IFIH1: variants seen among roughly 807,000 people sequenced by gnomAD.
The protein encoded by IFIH1 is interferon-induced helicase C domain-containing protein 1.
A neutral mutation model predicts 107.4 loss-of-function variants in IFIH1; 125 were observed. The observed-to-expected ratio is 1.16, with a 90% CI of 1.01 to 1.35. The LOEUF is 1.35. Ranked by LOEUF, IFIH1 falls within the 40% of genes most tolerant of loss-of-function variation. The pLI is 0.00. For synonymous variants in IFIH1, 458 were observed against 413.2 expected (o/e 1.11, Z -1.31); for missense variants, 1,333 against 1,213.7 (o/e 1.10, Z -1.46).
Position 162,318,335 on chromosome 2 carries a change from T to A in IFIH1, c.-28A>T. ...TTCTTTCTCAGAGAAGGGAGAGGGT[T>A]CTCCCAAGCAGATGGTGCTGTTGTC... On this transcript the variant is annotated 5_prime_UTR_variant, in exon 1 of 16. Coordinates refer to ENST00000649979, the MANE Select transcript of IFIH1 (RefSeq NM_022168.4). 6.3e-7 allele frequency: 1 copy of A among 1,582,046 alleles called. No individual in the cohort carries two copies. Among genetic ancestry groups the A allele is most frequent in the Non-Finnish European group, 8.7e-7 (1 of 1,155,904 alleles).
At chr2:162,299,440 T>C (rs544259985) in intron 3 of IFIH1, among the ~76,000 whole-genome samples, 1 of 152,254 alleles carries the variant, frequency 6.6e-6, no homozygotes, top group East Asian at 1.9e-4. Context: ...CAGGTAAATG[T>C]TCAACAACTG....
chr2:162,278,139 T>A, intron 9 of IFIH1, 66 bp downstream of exon 9: 1 of 1,385,370 alleles, frequency 7.2e-7, no homozygotes, highest in Non-Finnish European at 1.0e-6. Context: ...GAATCTGTGA[T>A]ATAGTCATCT....
intron 11 of IFIH1, among the ~76,000 whole-genome samples, chr2:162,275,010 G>A (rs1257062660): frequency 2.0e-5 from 3 of 152,072 alleles, no homozygotes; most frequent in African/African-American, 7.2e-5. Context: ...CACATCTCCC[G>A]ATAAAAACTT....
At chr2:162,293,917 G>C (rs1236702271) in intron 3 of IFIH1, among the ~76,000 whole-genome samples, 1 of 151,874 alleles carries the variant, frequency 6.6e-6, no homozygotes, top group East Asian at 1.9e-4. Flanking sequence ...TCCAGTATGA[G>C]AGCTAAAGCA....
At chr2:162,288,415 GC>G (rs1682934681) in intron 4 of IFIH1, 60 bp from the exon 5 acceptor site, 1 of 1,273,184 alleles carries the variant, frequency 7.9e-7, no homozygotes, top group Admixed American at 1.9e-5. Context: ...AGCTTAGGAA[GC>G]CTGAAACTGA....
At chr2:162,277,365 T>C (rs1349842032) in intron 10 of IFIH1, 50 bp downstream of exon 10, 2 of 1,308,078 alleles carry the variant, frequency 1.5e-6, no homozygotes, top group Non-Finnish European at 2.2e-6. Context: ...AGTAAGTTCA[T>C]GTTGAAAAGG....
chr2:162,282,697 G>A (rs1223019298), intron 5 of IFIH1, 121 bp from the exon 6 acceptor site: 14 of 624,236 alleles, frequency 2.2e-5, no homozygotes, highest in African/African-American at 3.7e-5. Flanking sequence ...AGTGAATCAG[G>A]CATAACAACG....
At chr2:162,315,093 G>A (rs1236479839) in intron 1 of IFIH1, among the ~76,000 whole-genome samples, 2 of 152,072 alleles carry the variant, frequency 1.3e-5, no homozygotes, top group African/African-American at 4.8e-5. Flanking sequence ...ATGTCTATGG[G>A]GAAACAGAAA....
intron 7 of IFIH1, 127 bp from the exon 8 acceptor site, chr2:162,280,239 T>C: frequency 1.6e-6 from 1 of 624,260 alleles, no homozygotes; most frequent in Non-Finnish European, 2.8e-6. Flanking sequence ...GGTATAAAAT[T>C]TCATGAAAGT....
At chr2:162,273,981 C>G (rs953232569) in intron 11 of IFIH1, 37 bp from the exon 12 acceptor site, 19 of 1,384,878 alleles carry the variant, frequency 1.4e-5, no homozygotes, top group African/African-American at 2.9e-5. Flanking sequence ...TTTTGTGATG[C>G]TAAACACATT....
chr2:162,307,316 A>G (rs1683302657), intron 2 of IFIH1: 1 of 153,064 alleles, frequency 6.5e-6, no homozygotes, highest in African/African-American at 2.4e-5. Context: ...AGTGACACAA[A>G]GTTACATTTA....
chr2:162,280,509 T>C (rs1182463136), intron 7 of IFIH1, among the ~76,000 whole-genome samples: 1 of 152,032 alleles, frequency 6.6e-6, no homozygotes, highest in Non-Finnish European at 1.5e-5. Context: ...ACATGAGGCA[T>C]ATCAAAGGTC....
chr2:162,289,572 T>C (rs1351805415), intron 4 of IFIH1, among the ~76,000 whole-genome samples: 1 of 151,936 alleles, frequency 6.6e-6, no homozygotes, highest in Non-Finnish European at 1.5e-5. Context: ...TAAACTAACA[T>C]AATCCCATTA....
At chr2:162,272,082 G>T in intron 13 of IFIH1, 144 bp downstream of exon 13, 1 of 671,614 alleles carries the variant, frequency 1.5e-6, no homozygotes, top group South Asian at 1.7e-5. Flanking sequence ...CTCTGCATGT[G>T]AATCTGGATT....
chr2:162,291,898 T>C (rs1406059534), intron 4 of IFIH1, among the ~76,000 whole-genome samples: 3 of 151,890 alleles, frequency 2.0e-5, no homozygotes, highest in Admixed American at 2.0e-4. Flanking sequence ...TAAGTACTGA[T>C]CCATCTAGAA....
chr2:162,305,894 C>T (rs1290141545), intron 3 of IFIH1, among the ~76,000 whole-genome samples: 1 of 152,206 alleles, frequency 6.6e-6, no homozygotes, highest in Non-Finnish European at 1.5e-5. Context: ...CACAGCTCTT[C>T]CCAGCTTTGT....
chr2:162,288,755 C>T (rs1316804970), intron 4 of IFIH1, among the ~76,000 whole-genome samples: 3 of 151,920 alleles, frequency 2.0e-5, no homozygotes, highest in Non-Finnish European at 4.4e-5. Context: ...GCTTGTTTCA[C>T]TTAGCCCTTC....
At chr2:162,295,722 T>C (rs1281834486) in intron 3 of IFIH1, among the ~76,000 whole-genome samples, 1 of 151,904 alleles carries the variant, frequency 6.6e-6, no homozygotes, top group Non-Finnish European at 1.5e-5. Flanking sequence ...ACTGAGAGAT[T>C]TAAAATATGG....
At chr2:162,272,630 C>T (rs974595780) in intron 12 of IFIH1, among the ~76,000 whole-genome samples, 1 of 152,238 alleles carries the variant, frequency 6.6e-6, no homozygotes, top group South Asian at 2.1e-4. Flanking sequence ...GGTTAGGCCT[C>T]AATGACATAA....
Sources: allele counts gnomAD v4.1 joint callset (sites outside exome capture counted in the v4.1 genomes callset), GRCh38; gene constraint gnomAD v4.1.1; transcripts MANE v1.5; gene names NCBI Gene and HGNC (gene_info 2026-07-23, HGNC 2026-07-21).